Variants in NAALADL2 observed in about 807,000 individuals in gnomAD.
The protein encoded by NAALADL2 is N-acetylated alpha-linked acidic dipeptidase like 2.
Under a neutral mutation model 87.2 loss-of-function variants are expected in NAALADL2, and 76 were observed. That is an observed-to-expected ratio of 0.87 (90% CI 0.72 to 1.05). The LOEUF (loss-of-function observed/expected upper bound fraction) is 1.05, where lower values mean the gene tolerates loss of function less well. NAALADL2 is among the 50% of genes least tolerant of loss of function. The pLI is 0.00. For synonymous variants in NAALADL2, 354 were observed against 331.0 expected (o/e 1.07, Z -0.75); for missense variants, 1,089 against 945.8 (o/e 1.15, Z -1.99).
intron 2 of NAALADL2, among the ~76,000 whole-genome samples, chr3:174,689,097 TTGTG>T (rs1161945120): frequency 1.3e-5 from 2 of 152,136 alleles, no homozygotes; most frequent in Admixed American, 6.6e-5. Flanking sequence ...ATAATAGACT[TTGTG>T]TGATTATTGA....
chr3:174,652,987 G>A (rs138696460), intron 2 of NAALADL2, among the ~76,000 whole-genome samples: 313 of 152,216 alleles, frequency 2.1e-3, no homozygotes, highest in African/African-American at 7.4e-3. Context: ...TCAAGGGAAT[G>A]CAAACAAAAG....
chr3:174,796,819 T>C (rs1371366985), intron 3 of NAALADL2, among the ~76,000 whole-genome samples: 2 of 151,998 alleles, frequency 1.3e-5, no homozygotes, highest in Non-Finnish European at 2.9e-5. Flanking sequence ...TGTCCACTTT[T>C]TAATGGGATT....
intron 11 of NAALADL2, among the ~76,000 whole-genome samples, chr3:175,639,289 CA>C (rs1728957191): frequency 2.0e-5 from 3 of 147,570 alleles, no homozygotes; most frequent in Admixed American, 1.3e-4. Context: ...AGCTTCTGCC[CA>C]CAGCAGTTTT....
intron 1 of NAALADL2, among the ~76,000 whole-genome samples, chr3:174,958,109 G>C (rs578248371): frequency 1.4e-5 from 2 of 146,410 alleles, no homozygotes; most frequent in African/African-American, 2.5e-5. Flanking sequence ...CTTGCTTTCT[G>C]TTTAAGCATT....
intron 1 of NAALADL2, among the ~76,000 whole-genome samples, chr3:174,919,068 ATATTT>A (rs1339159166): frequency 1.3e-5 from 2 of 152,160 alleles, no homozygotes; most frequent in Non-Finnish European, 2.9e-5. Flanking sequence ...TAATTTAAAA[ATATTT>A]TATTGCTAAA....
intron 11 of NAALADL2, among the ~76,000 whole-genome samples, chr3:175,694,886 T>C (rs1439924032): frequency 6.6e-6 from 1 of 152,128 alleles, no homozygotes; most frequent in African/African-American, 2.4e-5. Flanking sequence ...ATGATAGACC[T>C]TTCCCAGCAG....
chr3:175,468,975 C>A (rs1481881344), intron 8 of NAALADL2, among the ~76,000 whole-genome samples: 2 of 151,944 alleles, frequency 1.3e-5, no homozygotes, highest in Admixed American at 1.3e-4. Context: ...AAAAATACAA[C>A]AACTACAATG....
intron 2 of NAALADL2, among the ~76,000 whole-genome samples, chr3:174,555,312 T>C (rs528952389): frequency 1.3e-5 from 2 of 152,232 alleles, no homozygotes; most frequent in East Asian, 3.9e-4. Flanking sequence ...ATTATTATTA[T>C]TTTTTTGAGA....
intron 2 of NAALADL2, among the ~76,000 whole-genome samples, chr3:174,612,373 C>T (rs1287167338): frequency 6.6e-6 from 1 of 152,076 alleles, no homozygotes. Flanking sequence ...TTTGAATAAA[C>T]GTTCTACTCC....
chr3:174,696,543 C>T (rs1356445459), intron 2 of NAALADL2, among the ~76,000 whole-genome samples: 7 of 144,430 alleles, frequency 4.8e-5, no homozygotes, highest in African/African-American at 1.8e-4. Context: ...TTTCTCACCG[C>T]CTTTATTTTA....
At chr3:175,213,322 A>G (rs1742038908) in intron 2 of NAALADL2, among the ~76,000 whole-genome samples, 1 of 152,190 alleles carries the variant, frequency 6.6e-6, no homozygotes, top group East Asian at 1.9e-4. Flanking sequence ...TTGTCCTACT[A>G]GATATTAAGG....
chr3:174,888,608 C>T (rs936197551), intron 1 of NAALADL2, among the ~76,000 whole-genome samples: 5 of 152,142 alleles, frequency 3.3e-5, no homozygotes, highest in Non-Finnish European at 7.3e-5. Flanking sequence ...GCCTGGTATC[C>T]GAGGAATCTG....
chr3:174,957,469 T>C (rs1432809769), intron 1 of NAALADL2, among the ~76,000 whole-genome samples: 1 of 152,066 alleles, frequency 6.6e-6, no homozygotes, highest in Non-Finnish European at 1.5e-5. Flanking sequence ...AGTAGTATTT[T>C]TGTTATTAAT....
chr3:174,669,794 T>C (rs75839545), intron 2 of NAALADL2, among the ~76,000 whole-genome samples: 3,039 of 152,190 alleles, frequency 0.02, 48 homozygotes, highest in Non-Finnish European at 0.029. Context: ...TGATTTTTGA[T>C]ACATAGTTAA....
In NAALADL2 at chr3:175,699,514, T is replaced by G. The variant is rs1582938369; in HGVS notation, c.1897-37792T>G. The stretch of plus-strand genomic sequence containing the variant: ...AAATGTCTGGAGCCTCCCATTGATA[T>G]TCCAGGAGGTGCTTCTACCACACTA... On this transcript the variant is annotated intron_variant, in intron 11 of 13. Coordinates refer to ENST00000454872, the MANE Select transcript of NAALADL2 (RefSeq NM_207015.3). Among the ~76,000 whole-genome samples, 6 of 152,178 alleles carry G rather than the reference T, an allele frequency of 3.9e-5. No homozygotes were observed. The South Asian group carries it at 1.0e-3, about 26-fold the overall frequency.
chr3:174,593,338 C>G (rs186023278), intron 2 of NAALADL2, among the ~76,000 whole-genome samples: 5 of 152,056 alleles, frequency 3.3e-5, no homozygotes, highest in African/African-American at 1.2e-4. Context: ...TGTCAGACAC[C>G]GTTGCAAGTG....
intron 9 of NAALADL2, among the ~76,000 whole-genome samples, chr3:175,494,230 TATTA>T (rs1463224606): frequency 2.0e-5 from 3 of 152,116 alleles, no homozygotes; most frequent in Non-Finnish European, 2.9e-5. Context: ...TTTCCCATGT[TATTA>T]ATTAATATTC....
At chr3:175,562,361 G>A (rs575881148) in intron 9 of NAALADL2, among the ~76,000 whole-genome samples, 2 of 151,938 alleles carry the variant, frequency 1.3e-5, no homozygotes, top group Non-Finnish European at 2.9e-5. Flanking sequence ...ACTACAATAA[G>A]TATTGTTAAA....
intron 2 of NAALADL2, among the ~76,000 whole-genome samples, chr3:174,715,104 A>C (rs74911423): frequency 6.6e-6 from 1 of 152,186 alleles, no homozygotes; most frequent in East Asian, 1.9e-4. Flanking sequence ...CTTATTAGTC[A>C]ATCGGCTTTT....
Sources: allele counts gnomAD v4.1 joint callset (sites outside exome capture counted in the v4.1 genomes callset), GRCh38; gene constraint gnomAD v4.1.1; transcripts MANE v1.5; gene names NCBI Gene and HGNC (gene_info 2026-07-23, HGNC 2026-07-21).